The following SNX18 variants were observed in gnomAD, a reference collection of about 807,000 sequenced individuals.
SNX18 encodes sorting nexin-18.
Under a neutral mutation model 48.7 loss-of-function variants are expected in SNX18, and 35 were observed. The ratio of observed to expected loss-of-function variants is 0.72; its 90% CI spans 0.55 to 0.95. The LOEUF is 0.95. SNX18 is among the 40% of genes least tolerant of loss of function. SNX18 has a pLI of 0.00. For missense variants in SNX18, 824 were observed against 871.0 expected (o/e 0.95, Z 0.68); for synonymous variants, 492 against 384.7 (o/e 1.28, Z -3.26).
chr5:54,553,203 C>T, the SNX18 span, among the ~76,000 whole-genome samples: 2 of 152,102 alleles, frequency 1.3e-5, no homozygotes, highest in Admixed American at 6.5e-5. Flanking sequence ...CTCCCAGGGG[C>T]GTTGAGCAGG....
chr5:54,540,563 A>G (rs1762449419), intron 1 of SNX18, among the ~76,000 whole-genome samples: 1 of 143,128 alleles, frequency 7.0e-6, no homozygotes, highest in South Asian at 2.1e-4. Context: ...GGACATCTGT[A>G]ATTCTATATA....
At chr5:54,528,677 G>A (rs1467862559) in intron 1 of SNX18, among the ~76,000 whole-genome samples, 1 of 152,210 alleles carries the variant, frequency 6.6e-6, no homozygotes, top group Non-Finnish European at 1.5e-5. Context: ...ACACACAGTC[G>A]TGGACATGCA....
chr5:54,632,262 G>A, the SNX18 span, among the ~76,000 whole-genome samples: 1,132 of 152,302 alleles, frequency 7.4e-3, 14 homozygotes, highest in East Asian at 0.028. Context: ...ATGTGCAGAC[G>A]CCAGGGGAGT....
At chr5:54,546,764 A>G (rs1173279523), downstream of SNX18, among the ~76,000 whole-genome samples, 1 of 152,254 alleles carries the variant, frequency 6.6e-6, no homozygotes, top group Non-Finnish European at 1.5e-5. Context: ...ATCATCATTC[A>G]GATAGTCCCA....
the SNX18 span, among the ~76,000 whole-genome samples, chr5:54,647,114 C>T: frequency 6.6e-6 from 1 of 152,162 alleles, no homozygotes; most frequent in South Asian, 2.1e-4. Flanking sequence ...TTGCAAACTA[C>T]GCCTTAAATA....
At chr5:54,615,909 T>C in the SNX18 span, among the ~76,000 whole-genome samples, 1 of 152,198 alleles carries the variant, frequency 6.6e-6, no homozygotes, top group African/African-American at 2.4e-5. Context: ...TAAAGATAAG[T>C]AGACTAGTTA....
At chr5:54,555,946 G>A in the SNX18 span, among the ~76,000 whole-genome samples, 1 of 152,068 alleles carries the variant, frequency 6.6e-6, no homozygotes, top group African/African-American at 2.4e-5. Flanking sequence ...TATAAGCAGG[G>A]TGATTTATTA....
the SNX18 span, among the ~76,000 whole-genome samples, chr5:54,591,300 C>T: frequency 6.6e-6 from 1 of 152,126 alleles, no homozygotes; most frequent in Non-Finnish European, 1.5e-5. Flanking sequence ...CCACCTCAGC[C>T]CCCAGAGTAG....
At chr5:54,646,157 CAAG>C in the SNX18 span, among the ~76,000 whole-genome samples, 106 of 152,252 alleles carry the variant, frequency 7.0e-4, no homozygotes, top group East Asian at 0.019. Context: ...GCTGAAACCC[CAAG>C]AAGACTTTTT....
Position 54,519,108 on chromosome 5 carries a change from G to A in SNX18, c.1156G>A (p.Asp386Asn). 6.2e-7 allele frequency: 1 copy of A among 1,614,102 alleles called. No homozygotes were observed. Among genetic ancestry groups the A allele is most frequent in the Non-Finnish European group, 8.5e-7 (1 of 1,180,012 alleles). ...QHFLTCPSSTDEKAWKQGKRK... is the reference protein window; with the variant it reads ...QHFLTCPSSTNEKAWKQGKRK... ...CTTCCTGACGTGCCCCAGCAGCACC[G>A]ACGAGAAAGCCTGGAAGCAGGGCAA... Residue 386 changes from aspartate to asparagine, a missense_variant, in exon 1 of 2, where the codon GAC becomes AAC. Transcript: ENST00000381410.
chr5:54,589,821 A>G, the SNX18 span, among the ~76,000 whole-genome samples: 2 of 152,230 alleles, frequency 1.3e-5, no homozygotes, highest in African/African-American at 4.8e-5. Flanking sequence ...CCTACAGAGA[A>G]GTTTTCTCTC....
chr5:54,581,644 A>G, the SNX18 span, among the ~76,000 whole-genome samples: 8 of 152,120 alleles, frequency 5.3e-5, no homozygotes, highest in Non-Finnish European at 7.3e-5. Context: ...ATCATTCAAC[A>G]GTCAGCAAAG....
Position 54,545,860 on chromosome 5 carries a change from C to T in SNX18, c.*2428C>T, listed in dbSNP as rs1289917894. 6.6e-6 allele frequency: 1 copy of T among 152,102 alleles called. No individual in the cohort carries two copies. Among genetic ancestry groups the T allele is most frequent in the African/African-American group, 2.4e-5 (1 of 41,420 alleles). The allele number at this position is 152,102 out of a possible 1,614,324, so 9.4% of individuals were successfully genotyped here. On this transcript the variant is annotated 3_prime_UTR_variant, in exon 2 of 2. Transcript: ENST00000381410. ...CAATTTTTAAAAATAAACTATCATGCCCTTCATGCCATTATTTGTCTTTAT... is the reference window on the plus strand; with the variant it reads ...CAATTTTTAAAAATAAACTATCATGTCCTTCATGCCATTATTTGTCTTTAT...
chr5:54,554,652 T>A, the SNX18 span, among the ~76,000 whole-genome samples: 2 of 152,360 alleles, frequency 1.3e-5, no homozygotes, highest in Non-Finnish European at 2.9e-5. Flanking sequence ...AGCACAATAT[T>A]TCATTGTATT....
chr5:54,541,138 C>T (rs1245939550), intron 1 of SNX18, among the ~76,000 whole-genome samples: 2 of 152,112 alleles, frequency 1.3e-5, no homozygotes, highest in African/African-American at 4.8e-5. Flanking sequence ...AGCGATTCTC[C>T]TGCCCCAACC....
At chr5:54,613,971 T>C in the SNX18 span, among the ~76,000 whole-genome samples, 4 of 152,272 alleles carry the variant, frequency 2.6e-5, no homozygotes, top group Admixed American at 6.5e-5. Context: ...GCTGGGATTA[T>C]AGGCGTGAGC....
In SNX18 at chr5:54,530,744, A is replaced by ATTTTTTTTTTTTTTTTTT. The variant is rs70986692; in HGVS notation, c.1621+11180_1621+11197dup. ...TGCAGACAGGAGCTGAACCACAGAA[A>ATTTTTTTTTTTTTTTTTT]TTTTTTTTTTTTTTTTTTTTTTTTT... is the stretch of plus-strand genomic sequence containing the variant. On this transcript the variant is annotated intron_variant, in intron 1 of 1. Coordinates refer to ENST00000381410, the MANE Select transcript of SNX18 (RefSeq NM_001102575.2). 3.4e-4 allele frequency among the ~76,000 whole-genome samples: 25 copies of ATTTTTTTTTTTTTTTTTT among 72,506 alleles called. 6 individuals carry two copies. Among genetic ancestry groups the ATTTTTTTTTTTTTTTTTT allele is most frequent in the Non-Finnish European group, 4.4e-4 (19 of 42,742 alleles). The allele number at this position is 72,506 out of a possible 152,430, so 47.6% of individuals were successfully genotyped here. A position where few individuals can be genotyped will look rare whatever the true frequency, so the allele number is the denominator to read the frequency against.
In SNX18 at chr5:54,517,877, C is replaced by G. The variant is rs1007714279; in HGVS notation, c.-76C>G. 37 of 1,385,758 alleles carry G rather than the reference C, an allele frequency of 2.7e-5. No homozygotes were observed. The East Asian group carries it at 1.1e-3, about 42-fold the overall frequency. The allele number at this position is 1,385,758 out of a possible 1,614,324, so 85.8% of individuals were successfully genotyped here. ...TCCAGTCCGCGCGCCAGGGCTCGAG[C>G]AGTACCGCGGGCCCCTCAGGTGGGC... On this transcript the variant is annotated 5_prime_UTR_variant, in exon 1 of 2. Coordinates refer to ENST00000381410, the MANE Select transcript of SNX18 (RefSeq NM_001102575.2).
At chr5:54,643,796 G>A in the SNX18 span, 3 of 152,206 alleles carry the variant, frequency 2.0e-5, no homozygotes, top group African/African-American at 7.2e-5. Flanking sequence ...GTCATTGCCT[G>A]TGAGCCACCG....
Sources: allele counts gnomAD v4.1 joint callset (sites outside exome capture counted in the v4.1 genomes callset), GRCh38; gene constraint gnomAD v4.1.1; transcripts MANE v1.5; gene names NCBI Gene and HGNC (gene_info 2026-07-23, HGNC 2026-07-21).